The following STX8 variants were observed in gnomAD, a reference collection of about 807,000 sequenced individuals.
STX8 encodes the protein syntaxin-8.
In STX8, 23 loss-of-function variants were observed where a neutral mutation model predicts 37.5. That is an observed-to-expected ratio of 0.61 (90% CI 0.44 to 0.87). The LOEUF (loss-of-function observed/expected upper bound fraction) is 0.87. Among genes scored for constraint, STX8 ranks in the 40% least tolerant of loss-of-function variants. STX8 has a pLI of 0.00. For missense variants in STX8, 313 were observed against 284.7 expected, an observed-to-expected ratio of 1.10 and a Z score of -0.71; for synonymous variants, 115 against 99.1, an observed-to-expected ratio of 1.16 and a Z score of -0.95.
chr17:9,373,036 G>A (rs968474431), intron 7 of STX8, among the ~76,000 whole-genome samples: 6 of 150,524 alleles, frequency 4.0e-5, no homozygotes, highest in African/African-American at 1.2e-4. Context: ...CCTGGGAGAC[G>A]GAGGTTGCAG....
At chr17:9,558,201 T>C (rs150134915) in intron 2 of STX8, among the ~76,000 whole-genome samples, 142 of 152,290 alleles carry the variant, frequency 9.3e-4, no homozygotes, top group Middle Eastern at 3.4e-3. Context: ...AATTTGGAAA[T>C]GTGAAAAAAC....
chr17:9,373,525 G>A (rs1027690681), intron 7 of STX8, among the ~76,000 whole-genome samples: 4 of 152,088 alleles, frequency 2.6e-5, no homozygotes, highest in African/African-American at 2.4e-5. Context: ...ATATGATCCC[G>A]CTTACAATAG....
In STX8 at chr17:9,495,404, G is replaced by T. The variant is rs919155904; in HGVS notation, c.449-3483C>A. On this transcript the variant is annotated intron_variant, in intron 5 of 7. Transcript: ENST00000306357. The stretch of plus-strand genomic sequence containing the variant: ...ATGAATAATCTATATATATAGGACT[G>T]AGGGTTGAGTGTCAACGTGGATTAA... 3.3e-5 allele frequency among the ~76,000 whole-genome samples: 5 copies of T among 152,272 alleles called. No homozygotes were observed. The East Asian group carries it at 7.7e-4, about 23-fold the overall frequency.
chr17:9,293,790 CTCTG>C (rs1385554951), intron 7 of STX8, among the ~76,000 whole-genome samples: 5 of 148,434 alleles, frequency 3.4e-5, no homozygotes, highest in African/African-American at 1.0e-4. Context: ...GAGATGGAGT[CTCTG>C]TCTGTCGCCC....
chr17:9,491,882 C>G lies in STX8; in HGVS notation c.488G>C (p.Ser163Thr). Residue 163 changes from serine (S) to threonine (T), a missense_variant, in exon 6 of 8, where the codon AGT (serine) becomes ACT (threonine). By Grantham distance (58) the Ser-to-Thr change is moderately conservative (BLOSUM62 1). Transcript: ENST00000306357. ...AGLDALSSII[S>T]RQKQMGQEIG... ...TTCCTGCCCCATTTGTTTTTGGCGA[C>G]TTATGATAGAGGAAAGGGCATCAAG... 6.2e-7 allele frequency: 1 copy of G among 1,613,692 alleles called. No homozygotes were observed. Among genetic ancestry groups the G allele is most frequent in the South Asian group, 1.1e-5 (1 of 91,032 alleles).
chr17:9,355,578 C>T (rs1910853280), intron 7 of STX8, among the ~76,000 whole-genome samples: 1 of 151,048 alleles, frequency 6.6e-6, no homozygotes, highest in Admixed American at 6.6e-5. Flanking sequence ...TCTCGGCTCA[C>T]TGCAACCTCC....
At chr17:9,397,328 A>G (rs1291964442) in intron 6 of STX8, among the ~76,000 whole-genome samples, 6 of 152,086 alleles carry the variant, frequency 3.9e-5, no homozygotes, top group African/African-American at 1.4e-4. Flanking sequence ...CCCGGGAGGG[A>G]GAGGTTGCAG....
chr17:9,405,693 T>C (rs1043816842), intron 6 of STX8, among the ~76,000 whole-genome samples: 4 of 152,198 alleles, frequency 2.6e-5, no homozygotes, highest in African/African-American at 9.7e-5. Context: ...CCAGAATTGG[T>C]CACTCACTTG....
chr17:9,486,790 T>G (rs905261549), intron 6 of STX8, among the ~76,000 whole-genome samples: 2 of 152,018 alleles, frequency 1.3e-5, no homozygotes, highest in Admixed American at 6.5e-5. Context: ...GCCTGGGAGA[T>G]GGAGGATGCA....
At chr17:9,488,329 A>AAAC (rs1906695472) in intron 6 of STX8, among the ~76,000 whole-genome samples, 1 of 151,918 alleles carries the variant, frequency 6.6e-6, no homozygotes, top group Non-Finnish European at 1.5e-5. Context: ...TCTGTCTTAA[A>AAAC]AAAAAAAAAA....
In STX8 at chr17:9,324,086, CCTCTCT is replaced by C. The variant is rs149631075; in HGVS notation, c.643+54460_643+54465del. Reference sequence around the variant, plus strand: ...GACTTGCTCAAGGTCTCAGGGCATCCCTCTCTCTCTCTCTCTCTCTCTGTCTCTCTC... The same window carrying C: ...GACTTGCTCAAGGTCTCAGGGCATCCCTCTCTCTCTCTCTCTGTCTCTCTC... On this transcript the variant is annotated intron_variant, in intron 7 of 7. Transcript: ENST00000306357. 3.5e-5 allele frequency among the ~76,000 whole-genome samples: 5 copies of C among 144,148 alleles called. No homozygotes were observed. In the South Asian group the frequency reaches 9.0e-4, roughly 26 times the overall value. The allele number at this position is 144,148 out of a possible 152,430, so 94.6% of individuals were successfully genotyped here. A position where few individuals can be genotyped will look rare whatever the true frequency, so the allele number is the denominator to read the frequency against.
chr17:9,366,968 G>C (rs1911248458), intron 7 of STX8, among the ~76,000 whole-genome samples: 1 of 152,156 alleles, frequency 6.6e-6, no homozygotes, highest in Admixed American at 6.5e-5. Flanking sequence ...GTTATTCCAG[G>C]AGAATGAGGG....
chr17:9,300,341 AAAAAAAAG>A (rs1473665617), intron 7 of STX8, among the ~76,000 whole-genome samples: 1 of 150,506 alleles, frequency 6.6e-6, no homozygotes, highest in African/African-American at 2.4e-5. Context: ...CAAAAAAAAA[AAAAAAAAG>A]AAAGAAAGAA....
chr17:9,510,416 C>T (rs1250695283), intron 4 of STX8, among the ~76,000 whole-genome samples: 1 of 152,068 alleles, frequency 6.6e-6, no homozygotes. Flanking sequence ...AAATTGAAAT[C>T]ATACCAAGTA....
chr17:9,570,787 G>C (rs1246513255), intron 1 of STX8, among the ~76,000 whole-genome samples: 2 of 152,154 alleles, frequency 1.3e-5, no homozygotes, highest in Non-Finnish European at 2.9e-5. Context: ...GATCTAAGTG[G>C]TAAGTACGTC....
chr17:9,316,988 A>T lies in STX8; in HGVS notation c.643+61564T>A, dbSNP rs1486864477. ...GCGGGTGAGGAGAGTGGAATAGGAA[A>T]AGACAGTCGGTTCTTTTTTCCTATC... On this transcript the variant is annotated intron_variant, in intron 7 of 7. Transcript: ENST00000306357. Among the ~76,000 whole-genome samples, 4 of 152,328 alleles carry T rather than the reference A, an allele frequency of 2.6e-5. No homozygotes were observed. In the East Asian group the frequency reaches 7.7e-4, roughly 29 times the overall value.
At chr17:9,523,399 C>CAT (rs1244644927) in intron 4 of STX8, among the ~76,000 whole-genome samples, 10 of 149,870 alleles carry the variant, frequency 6.7e-5, no homozygotes, top group Admixed American at 5.3e-4. Flanking sequence ...TATATACACA[C>CAT]ACACACATAT....
chr17:9,284,570 T>C (rs1908008319), intron 7 of STX8, among the ~76,000 whole-genome samples: 1 of 152,148 alleles, frequency 6.6e-6, no homozygotes, highest in Non-Finnish European at 1.5e-5. Flanking sequence ...TCAGAAGATA[T>C]GAGCAATGAC....
intron 4 of STX8, among the ~76,000 whole-genome samples, chr17:9,541,464 A>G (rs964747307): frequency 2.0e-5 from 3 of 152,204 alleles, no homozygotes; most frequent in Non-Finnish European, 4.4e-5. Context: ...ATGCTCCAGT[A>G]ATAACATCTT....
Sources: allele counts gnomAD v4.1 joint callset (sites outside exome capture counted in the v4.1 genomes callset), GRCh38; gene constraint gnomAD v4.1.1; transcripts MANE v1.5; gene names NCBI Gene and HGNC (gene_info 2026-07-23, HGNC 2026-07-21).